The following FLOT1 variants were observed in gnomAD, a reference collection of about 807,000 sequenced individuals.
FLOT1 encodes flotillin 1.
A neutral mutation model predicts 58.4 loss-of-function variants in FLOT1; 40 were observed. The observed-to-expected ratio is 0.69, with a 90% confidence interval of 0.53 to 0.89. The LOEUF (loss-of-function observed/expected upper bound fraction) is 0.89. Ranked by LOEUF, FLOT1 falls within the 40% of genes least tolerant of loss-of-function variation. The pLI is 0.00. For missense variants in FLOT1, 423 were observed against 540.8 expected (o/e 0.78, Z 2.16); for synonymous variants, 178 against 204.2 (o/e 0.87, Z 1.09).
chr6:30,738,869 A>G (rs187182023), intron 8 of FLOT1, among the ~76,000 whole-genome samples: 41 of 152,170 alleles, frequency 2.7e-4, no homozygotes, highest in African/African-American at 9.2e-4. Flanking sequence ...TGAAAATAAC[A>G]CGGCTTACGG....
At chr6:30,728,210 C>T (rs1392739635) in intron 12 of FLOT1, 65 bp from the exon 13 acceptor site, 15 of 1,461,716 alleles carry the variant, frequency 1.0e-5, no homozygotes, top group South Asian at 4.6e-5. Flanking sequence ...CCTACTCTCC[C>T]GGGCCCCAGT....
intron 8 of FLOT1, among the ~76,000 whole-genome samples, chr6:30,736,100 A>C (rs1777543950): frequency 6.6e-6 from 1 of 152,026 alleles, no homozygotes; most frequent in Non-Finnish European, 1.5e-5. Context: ...AAACATACAA[A>C]AATTAGCCAG....
chr6:30,730,672 C>CT lies in FLOT1; in HGVS notation c.951+9dup. The CT allele has an allele frequency of 6.2e-7, 1 of 1,613,764 alleles. No homozygotes were observed. The highest frequency in any genetic ancestry group is 1.1e-5 in the South Asian group (1 of 91,086). ...TCCACAAGCCAGCATGGAACTGCCT[C>CT]TTAACTCACCCGCACAGACGCGGCT... On this transcript the variant is annotated intron_variant, in intron 10 of 12. Coordinates refer to ENST00000376389, the MANE Select transcript of FLOT1 (RefSeq NM_005803.4).
intron 7 of FLOT1, 53 bp from the exon 8 acceptor site, chr6:30,740,363 C>A (rs1396971765): frequency 6.2e-7 from 1 of 1,602,454 alleles, no homozygotes; most frequent in African/African-American, 1.3e-5. Flanking sequence ...AGAAAGGCCA[C>A]GGTGACAGCC....
intron 8 of FLOT1, among the ~76,000 whole-genome samples, chr6:30,732,700 T>C (rs1777285880): frequency 6.6e-6 from 1 of 152,094 alleles, no homozygotes; most frequent in African/African-American, 2.4e-5. Flanking sequence ...CCATGCACCA[T>C]CATCATTGTA....
chr6:30,733,413 A>G (rs985125941), intron 8 of FLOT1, among the ~76,000 whole-genome samples: 1 of 152,170 alleles, frequency 6.6e-6, no homozygotes, highest in African/African-American at 2.4e-5. Context: ...AGAATTCTGA[A>G]GGCATTCCTC....
In FLOT1 at chr6:30,737,782, T is replaced by A. The variant is rs1177037904; in HGVS notation, c.723+2376A>T. On this transcript the variant is annotated intron_variant, in intron 8 of 12. Transcript: ENST00000376389. The surrounding 1 kb of genome is among the most constrained non-coding windows in gnomAD (Gnocchi z 4.4). The stretch of plus-strand genomic sequence containing the variant: ...AAACAAGAATTATAGCCTGGGAAGG[T>A]CATTTACTTGCTTACTAGCTGTTTC... Among the ~76,000 whole-genome samples, 2 of 152,164 alleles carry A rather than the reference T, an allele frequency of 1.3e-5. No homozygotes were observed. The highest frequency in any genetic ancestry group is 2.9e-5 in the Non-Finnish European group (2 of 68,018).
At position 30,730,196 on chromosome 6, in the gene FLOT1, G is replaced by T; in HGVS notation, c.1090-10C>A. 1.9e-6 allele frequency: 3 copies of T among 1,612,848 alleles called. No individual in the cohort carries two copies. Among genetic ancestry groups the T allele is most frequent in the Non-Finnish European group, 2.5e-6 (3 of 1,179,890 alleles). On this transcript the variant is annotated splice_polypyrimidine_tract_variant and intron_variant, in intron 11 of 12. Transcript: ENST00000376389. The stretch of plus-strand genomic sequence containing the variant: ...TGATCTCCTCTGCCACCTGGCAGGA[G>T]AGAGACACCCACTCAGTGCCCATGA...
At position 30,741,869 on chromosome 6, in the gene FLOT1, T is replaced by C. The variant is rs557806584; in HGVS notation, c.44-2A>G. ...TGACTGGGGGGCTTCGGCAGAACCC[T>C]GCAAGGTGTGGGGCAGTGAGGAACG... is the stretch of plus-strand genomic sequence containing the variant. On this transcript the variant is annotated splice_acceptor_variant, in intron 2 of 12. Transcript: ENST00000376389. LOFTEE classifies it high-confidence loss of function. This position sits in a 1 kb window ranked among gnomAD's most constrained non-coding sequence, Gnocchi z 5.9. The C allele has an allele frequency of 1.1e-5, 18 of 1,612,174 alleles. No individual in the cohort carries two copies. In the Admixed American group the frequency reaches 2.3e-4, roughly 21 times the overall value.
chr6:30,740,900 C>A, intron 5 of FLOT1, 102 bp from the exon 6 acceptor site: 2 of 1,460,588 alleles, frequency 1.4e-6, no homozygotes, highest in South Asian at 2.7e-5. Context: ...GATTCTCCTG[C>A]CTCAGCCTCC....
At chr6:30,732,321 C>G (rs1335372509) in intron 8 of FLOT1, among the ~76,000 whole-genome samples, 1 of 151,910 alleles carries the variant, frequency 6.6e-6, no homozygotes, top group East Asian at 1.9e-4. Flanking sequence ...AGGCTCTTAT[C>G]AAGATGCTAG....
chr6:30,735,602 C>G (rs1459694887), intron 8 of FLOT1, among the ~76,000 whole-genome samples: 3 of 151,780 alleles, frequency 2.0e-5, no homozygotes, highest in Admixed American at 1.3e-4. Context: ...TGCACCTGCA[C>G]TCCAGCCTGG....
Position 30,740,457 on chromosome 6 carries a change from C to G in FLOT1, c.570+39G>C. 3 of 1,601,534 alleles carry G rather than the reference C, an allele frequency of 1.9e-6. No homozygotes were observed. In the South Asian group the frequency reaches 3.3e-5, roughly 18 times the overall value. ...CTGCTTCTTCTCAGTTGTGCCACTT[C>G]TATCCCCTTTCCCACTAAGCAACCC... On this transcript the variant is annotated intron_variant, in intron 7 of 12. Coordinates refer to ENST00000376389, the MANE Select transcript of FLOT1 (RefSeq NM_005803.4).
At chr6:30,734,363 C>T (rs1777418576) in intron 8 of FLOT1, among the ~76,000 whole-genome samples, 1 of 149,156 alleles carries the variant, frequency 6.7e-6, no homozygotes, top group Admixed American at 6.7e-5. Flanking sequence ...GGCTGGAGTG[C>T]AGTGGCATGA....
In FLOT1 at chr6:30,737,230, G is replaced by GTCCA. The variant is rs1191258584; in HGVS notation, c.723+2927_723+2928insTGGA. 4.6e-3 allele frequency among the ~76,000 whole-genome samples: 625 copies of GTCCA among 136,664 alleles called. 5 individuals carry two copies. The highest frequency in any genetic ancestry group is 0.014 in the African/African-American group (481 of 33,544). The allele number at this position is 136,664 out of a possible 152,430, so 89.7% of individuals were successfully genotyped here. A position where few individuals can be genotyped will look rare whatever the true frequency, so the allele number is the denominator to read the frequency against. The stretch of plus-strand genomic sequence containing the variant: ...CTGTCGTCCGTCCGTCCGTCCGTCC[G>GTCCA]TCCGTCCGTCCGTCCGTCCATCCGT... On this transcript the variant is annotated intron_variant, in intron 8 of 12. Transcript: ENST00000376389. The surrounding 1 kb of genome is among the most constrained non-coding windows in gnomAD (Gnocchi z 4.4).
rs1554208614 is a variant in FLOT1, at chr6:30,737,246, G to GTCCGTCCATCCATCCA, written c.723+2911_723+2912insTGGATGGATGGACGGA. Among the ~76,000 whole-genome samples, 149 of 145,376 alleles carry GTCCGTCCATCCATCCA rather than the reference G, an allele frequency of 1.0e-3. No individual in the cohort carries two copies. Among genetic ancestry groups the GTCCGTCCATCCATCCA allele is most frequent in the African/African-American group, 3.5e-3 (136 of 38,978 alleles). On this transcript the variant is annotated intron_variant, in intron 8 of 12. Coordinates refer to ENST00000376389, the MANE Select transcript of FLOT1 (RefSeq NM_005803.4). The surrounding 1 kb of genome is among the most constrained non-coding windows in gnomAD (Gnocchi z 4.4). ...CGTCCGTCCGTCCGTCCGTCCGTCC[G>GTCCGTCCATCCATCCA]TCCATCCGTCCATCCATCCATCCAT...
At chr6:30,740,104 A>G (rs1777858353) in intron 8 of FLOT1, 54 bp downstream of exon 8, 16 of 1,570,308 alleles carry the variant, frequency 1.0e-5, no homozygotes, top group African/African-American at 2.8e-5. Flanking sequence ...CCTGAGATGG[A>G]CAGCCTGAGA....
intron 8 of FLOT1, among the ~76,000 whole-genome samples, chr6:30,733,471 T>A (rs1777340228): frequency 6.6e-6 from 1 of 152,146 alleles, no homozygotes; most frequent in South Asian, 2.1e-4. Flanking sequence ...CCAGTCATGG[T>A]GGCTCATGCC....
chr6:30,730,514 CCTCGGCTCGGG>C lies in FLOT1; in HGVS notation c.992_1002del (p.Ala331GlyfsTer2). The C allele has an allele frequency of 6.2e-7, 1 of 1,611,360 alleles. No individual in the cohort carries two copies. The highest frequency in any genetic ancestry group is 8.5e-7 in the Non-Finnish European group (1 of 1,177,864). ...TCTGCCTTCTTGGCCATCTGCTCAG[CCTCGGCTCGGG>C]CTCGGGCCCCTATGGCAAAGGCCTC... On this transcript the variant is annotated frameshift_variant, in exon 11 of 13. Transcript: ENST00000376389. LOFTEE classifies it high-confidence loss of function.
Sources: gnomAD v4.1 joint callset for allele counts (sites outside exome capture counted in the v4.1 genomes callset) on GRCh38, gnomAD v4.1.1 for gene constraint, Gnocchi (gnomAD v3.1) non-coding constraint, MANE v1.5 for transcripts, NCBI Gene and HGNC (gene_info 2026-07-23, HGNC 2026-07-21) for gene names.